The following FAP variants were observed in gnomAD, a reference collection of about 807,000 sequenced individuals.
FAP encodes the protein prolyl endopeptidase FAP.
In FAP, 110 loss-of-function variants were observed where a neutral mutation model predicts 126.5. The ratio of observed to expected loss-of-function variants is 0.87; its 90% CI spans 0.74 to 1.02. The LOEUF (loss-of-function observed/expected upper bound fraction) is 1.02. Among genes scored for constraint, FAP ranks in the 50% least tolerant of loss-of-function variants. The pLI is 0.00. For missense variants in FAP, 919 were observed against 909.2 expected, an observed-to-expected ratio of 1.01 and a Z score of -0.14; for synonymous variants, 334 against 297.3, an observed-to-expected ratio of 1.12 and a Z score of -1.27.
chr2:162,222,835 T>C (rs1460090922), intron 6 of FAP, among the ~76,000 whole-genome samples: 1 of 152,154 alleles, frequency 6.6e-6, no homozygotes, highest in African/African-American at 2.4e-5. Context: ...CACCACCTCC[T>C]ACTAGTCAGC....
At chr2:162,225,445 A>C (rs769014197) in intron 4 of FAP, 38 bp downstream of exon 4, 1 of 1,582,394 alleles carries the variant, frequency 6.3e-7, no homozygotes, top group Non-Finnish European at 8.6e-7. Context: ...AAGAGTGGGC[A>C]AAGGTTTCTG....
chr2:162,191,208 G>C (rs1243332932), intron 17 of FAP, among the ~76,000 whole-genome samples: 1 of 152,114 alleles, frequency 6.6e-6, no homozygotes, highest in South Asian at 2.1e-4. Context: ...CAGTATCCGG[G>C]TGTTGTCACG....
At chr2:162,221,753 AG>A (rs1435058426) in intron 6 of FAP, 6 of 456,478 alleles carry the variant, frequency 1.3e-5, no homozygotes, top group African/African-American at 1.0e-4. Context: ...AAGGCGAGGG[AG>A]GATGCTTTAC....
At chr2:162,173,033 T>C in intron 24 of FAP, 116 bp downstream of exon 24, 1 of 1,132,736 alleles carries the variant, frequency 8.8e-7, no homozygotes, top group South Asian at 1.2e-5. Flanking sequence ...TATGGAAATG[T>C]CCCTGACTCT....
chr2:162,188,444 A>G, intron 19 of FAP, 81 bp from the exon 20 acceptor site: 4 of 1,134,460 alleles, frequency 3.5e-6, no homozygotes, highest in Non-Finnish European at 3.8e-6. Flanking sequence ...CATTGCTTCT[A>G]GTAATTCCAG....
chr2:162,231,980 C>T (rs1559794785), intron 2 of FAP, among the ~76,000 whole-genome samples: 1 of 152,184 alleles, frequency 6.6e-6, no homozygotes, highest in Non-Finnish European at 1.5e-5. Flanking sequence ...CATCCATCTT[C>T]CTGCTGGCTC....
In FAP at chr2:162,198,783, G is replaced by T. The variant is rs1688370065; in HGVS notation, c.1376C>A (p.Ala459Asp). The T allele has an allele frequency of 6.2e-7, 1 of 1,614,092 alleles. No individual in the cohort carries two copies. The highest frequency in any genetic ancestry group is 1.7e-4 in the Middle Eastern group (1 of 6,060). ...GTAGCAGACAAGTGCATAGTACTTG[G>T]CGTAGTCGCTGAAACTTGCTGTGTA... ...QYYTASFSDY[A>D]KYYALVCYGP... The change falls in exon 16 of 26, where the codon GCC becomes GAC. Residue 459 changes from alanine to aspartate, a missense_variant. Transcript: ENST00000188790.
intron 25 of FAP, chr2:162,171,722 C>A (rs1456318818): frequency 6.6e-6 from 1 of 151,992 alleles, no homozygotes; most frequent in East Asian, 1.9e-4. Context: ...GTTGAATTTA[C>A]TTTGGGGATC....
At position 162,243,024 on chromosome 2, in the gene FAP, A is replaced by G. The variant is rs372284150; in HGVS notation, c.7-32T>C. 7.8e-6 allele frequency: 12 copies of G among 1,537,252 alleles called. No homozygotes were observed. The African/African-American group carries it at 1.5e-4, about 19-fold the overall frequency. On this transcript the variant is annotated intron_variant, in intron 1 of 25. Transcript: ENST00000188790. Reference sequence around the variant, plus strand: ...AAAATAAAGAGAATTAGGCATACACACAGTTCCTGCTAAATAGTAGAAATG... The same window carrying G: ...AAAATAAAGAGAATTAGGCATACACGCAGTTCCTGCTAAATAGTAGAAATG...
rs141166072 is a variant in FAP at position 162,170,975 on chromosome 2, G to A, written c.*4C>T. ...TCTGATACAGGCTTGCATCTGCATC[G>A]TTTTTAGTCTGACAAAGAGAAACAC... On this transcript the variant is annotated 3_prime_UTR_variant, in exon 26 of 26. Transcript: ENST00000188790. 67 of 1,610,682 alleles carry A rather than the reference G, an allele frequency of 4.2e-5. No individual in the cohort carries two copies. Among genetic ancestry groups the A allele is most frequent in the Admixed American group, 1.0e-4 (6 of 59,916 alleles).
intron 15 of FAP, among the ~76,000 whole-genome samples, chr2:162,199,808 G>A (rs895516962): frequency 3.3e-5 from 5 of 152,176 alleles, no homozygotes; most frequent in African/African-American, 9.7e-5. Context: ...GGGAACAGGG[G>A]AATATGACAG....
At chr2:162,213,503 T>C (rs1000290201) in intron 11 of FAP, among the ~76,000 whole-genome samples, 2 of 152,156 alleles carry the variant, frequency 1.3e-5, no homozygotes, top group African/African-American at 2.4e-5. Context: ...ATTTTTAACA[T>C]TGAATAGAAC....
intron 21 of FAP, among the ~76,000 whole-genome samples, chr2:162,181,870 G>A (rs751399899): frequency 3.3e-5 from 5 of 152,176 alleles, no homozygotes; most frequent in Non-Finnish European, 7.3e-5. Flanking sequence ...TAAACCTGAA[G>A]AGCTGATTTT....
intron 4 of FAP, 95 bp downstream of exon 4, chr2:162,225,388 T>A: frequency 1.3e-6 from 2 of 1,484,708 alleles, no homozygotes; most frequent in Non-Finnish European, 1.8e-6. Flanking sequence ...AGGCAAGTTG[T>A]GTCCAGATCA....
intron 4 of FAP, among the ~76,000 whole-genome samples, chr2:162,224,814 AAG>A (rs1394230332): frequency 6.6e-6 from 1 of 152,192 alleles, no homozygotes; most frequent in Non-Finnish European, 1.5e-5. Context: ...TGTTCTATAA[AAG>A]AGATTCAATA....
chr2:162,207,138 T>C (rs1208123958), intron 12 of FAP, among the ~76,000 whole-genome samples: 2 of 152,194 alleles, frequency 1.3e-5, no homozygotes, highest in Non-Finnish European at 2.9e-5. Context: ...AAGTCACTAG[T>C]TTCATTATAG....
chr2:162,242,830 T>C, intron 2 of FAP, 78 bp downstream of exon 2: 1 of 1,065,676 alleles, frequency 9.4e-7, no homozygotes, highest in Non-Finnish European at 1.4e-6. Context: ...TAGGAAATGT[T>C]CAACCACTTG....
chr2:162,182,919 G>A (rs1216167096), intron 21 of FAP, among the ~76,000 whole-genome samples: 2 of 152,014 alleles, frequency 1.3e-5, no homozygotes, highest in Admixed American at 1.3e-4. Context: ...TAGCACAAAC[G>A]AACATTCGGT....
rs768415157 is a variant in FAP at position 162,242,977 on chromosome 2, C to T, written c.22G>A (p.Val8Ile). MKTWVKI[V>I]FGVATSAVLA... ...ACAGCAGAGGTGGCAACTCCAAATA[C>T]GATTTTTACCCAAGTCTACATAAAA... Residue 8 changes from valine (V) to isoleucine (I), a missense_variant, in exon 2 of 26, where the codon GTA becomes ATA. By Grantham distance (29) the Val-to-Ile change is conservative (BLOSUM62 3). Coordinates refer to ENST00000188790, the MANE Select transcript of FAP (RefSeq NM_004460.5). 3.8e-5 allele frequency: 61 copies of T among 1,612,248 alleles called. No individual in the cohort carries two copies. The East Asian group carries it at 1.1e-3, about 30-fold the overall frequency.
Sources: allele counts gnomAD v4.1 joint callset (sites outside exome capture counted in the v4.1 genomes callset), GRCh38; gene constraint gnomAD v4.1.1; transcripts MANE v1.5; gene names NCBI Gene and HGNC (gene_info 2026-07-23, HGNC 2026-07-21).